NFS1: variants seen among roughly 807,000 people sequenced by gnomAD.
The protein encoded by NFS1 is NFS1 cysteine desulfurase, also known as cysteine desulfurase.
In NFS1, 26 loss-of-function variants were observed where a neutral mutation model predicts 57.3. That is an observed-to-expected ratio of 0.45 (90% CI 0.33 to 0.63). The LOEUF is 0.63. NFS1 is among the 20% of genes least tolerant of loss of function. The probability of loss-of-function intolerance (pLI) is 0.02; values close to 1 mark genes in which losing one functional copy is unlikely to be tolerated. For synonymous variants in NFS1, 209 were observed against 216.3 expected (o/e 0.97, Z 0.30); for missense variants, 505 against 605.8 (o/e 0.83, Z 1.75).
At chr20:35,682,014 G>C in intron 5 of NFS1, 33 bp from the exon 6 acceptor site, 2 of 1,310,140 alleles carry the variant, frequency 1.5e-6, no homozygotes, top group Non-Finnish European at 2.2e-6. Flanking sequence ...TGACTAGATA[G>C]TACAAACAAA....
chr20:35,693,655 C>T (rs1014926917), intron 4 of NFS1, among the ~76,000 whole-genome samples: 4 of 151,900 alleles, frequency 2.6e-5, no homozygotes, highest in African/African-American at 9.7e-5. Flanking sequence ...TAATGAGAGC[C>T]GCATCTCTAC....
chr20:35,689,630 C>A (rs1211905412), intron 5 of NFS1, among the ~76,000 whole-genome samples: 1 of 151,910 alleles, frequency 6.6e-6, no homozygotes, highest in Non-Finnish European at 1.5e-5. Context: ...ACTAGCAAGG[C>A]GTGGTGGTGC....
intron 4 of NFS1, among the ~76,000 whole-genome samples, chr20:35,695,113 G>C (rs913886900): frequency 6.6e-6 from 1 of 152,256 alleles, no homozygotes; most frequent in Non-Finnish European, 1.5e-5. Context: ...TCCTTGACCT[G>C]TTGGTTTGGA....
chr20:35,674,897 A>T, intron 8 of NFS1, 148 bp downstream of exon 8: 1 of 1,070,032 alleles, frequency 9.3e-7, no homozygotes, highest in Admixed American at 2.0e-5. Flanking sequence ...TCTCCCTCAG[A>T]ACAAGGTGCC....
At chr20:35,675,547 T>C (rs756316187) in intron 7 of NFS1, 18 of 259,164 alleles carry the variant, frequency 6.9e-5, no homozygotes, top group East Asian at 1.1e-4. Context: ...AAATAGATTA[T>C]GGCATGTCCA....
At chr20:35,676,758 G>GAAAAAAA (rs746820595) in intron 7 of NFS1, among the ~76,000 whole-genome samples, 253 of 18,038 alleles carry the variant, frequency 0.014, 5 homozygotes, top group South Asian at 0.045. Flanking sequence ...GAGAAAATCA[G>GAAAAAAA]AAAAAAAAAA....
chr20:35,692,293 G>C lies in NFS1; in HGVS notation c.409-1728C>G, dbSNP rs767678012. The C allele has an allele frequency of 2.1e-5, 5 of 241,596 alleles. No homozygotes were observed. In the Admixed American group the frequency reaches 2.3e-4, roughly 11 times the overall value. The allele number at this position is 241,596 out of a possible 1,614,324, so 15.0% of individuals were successfully genotyped here. A position where few individuals can be genotyped will look rare whatever the true frequency, so the allele number is the denominator to read the frequency against. On this transcript the variant is annotated intron_variant, in intron 4 of 12. Coordinates refer to ENST00000374092, the MANE Select transcript of NFS1 (RefSeq NM_021100.5). ...GGAGGATGAGGCAGGAGAATCGCTT[G>C]AACCTGGGAGGCAGAGGTTGCAGTG...
chr20:35,674,280 G>A lies in NFS1; in HGVS notation c.1136+70C>T, dbSNP rs1485229327. ...CTTGTGCCTATCATCTCCACACTGG[G>A]AAGTTTAATAGCCTGTATGACTCTT... is the stretch of plus-strand genomic sequence containing the variant. On this transcript the variant is annotated intron_variant, in intron 10 of 12. Transcript: ENST00000374092. The A allele has an allele frequency of 9.1e-6, 11 of 1,207,196 alleles. No individual in the cohort carries two copies. The South Asian group carries it at 1.3e-4, about 15-fold the overall frequency. The allele number at this position is 1,207,196 out of a possible 1,614,324, so 74.8% of individuals were successfully genotyped here. A position where few individuals can be genotyped will look rare whatever the true frequency, so the allele number is the denominator to read the frequency against.
At position 35,699,030 on chromosome 20, in the gene NFS1, C is replaced by T; in HGVS notation, c.97+162G>A. ...CGAGGGGTGGTGCGCCGGGGTCAAC[C>T]GTTCGGGGACCCGCCTAAGAAAGTT... is the stretch of plus-strand genomic sequence containing the variant. On this transcript the variant is annotated intron_variant, in intron 1 of 12. Transcript: ENST00000374092. This position sits in a 1 kb window ranked among gnomAD's most constrained non-coding sequence, Gnocchi z 4.4. The T allele has an allele frequency of 1.5e-6, 2 of 1,321,148 alleles. No homozygotes were observed. The highest frequency in any genetic ancestry group is 1.9e-6 in the Non-Finnish European group (2 of 1,038,556). 81.8% of individuals were successfully genotyped at this position (1,321,148 alleles called of 1,614,324 possible).
chr20:35,690,723 T>C (rs1462565005), intron 4 of NFS1, among the ~76,000 whole-genome samples, 158 bp from the exon 5 acceptor site: 1 of 152,090 alleles, frequency 6.6e-6, no homozygotes, highest in Non-Finnish European at 1.5e-5. Flanking sequence ...TGAGGCTAAC[T>C]CTCCAGACTT....
At chr20:35,669,858 TGTAA>T (rs1041119435) in intron 12 of NFS1, among the ~76,000 whole-genome samples, 173 bp from the exon 13 acceptor site, 5 of 152,326 alleles carry the variant, frequency 3.3e-5, no homozygotes, top group African/African-American at 1.2e-4. Flanking sequence ...TCCAGCTCCC[TGTAA>T]GTCCTTGTCA....
At chr20:35,676,783 A>C (rs2034757135) in intron 7 of NFS1, among the ~76,000 whole-genome samples, 1 of 121,694 alleles carries the variant, frequency 8.2e-6, no homozygotes, top group African/African-American at 3.1e-5. Context: ...AAAAAAAAAA[A>C]AACCAAGAAA....
At chr20:35,685,027 T>C (rs1299080766) in intron 5 of NFS1, among the ~76,000 whole-genome samples, 3 of 151,570 alleles carry the variant, frequency 2.0e-5, no homozygotes, top group Non-Finnish European at 4.4e-5. Context: ...GCCGAGATTA[T>C]GGGCAGACAC....
chr20:35,698,697 A>G (rs943507324), intron 1 of NFS1, 107 bp from the exon 2 acceptor site: 11 of 1,442,232 alleles, frequency 7.6e-6, no homozygotes, highest in Non-Finnish European at 1.0e-5. Flanking sequence ...GATAAGTGTA[A>G]GGGATGCTAG....
chr20:35,683,342 C>G (rs1244688035), intron 5 of NFS1, among the ~76,000 whole-genome samples: 1 of 149,880 alleles, frequency 6.7e-6, no homozygotes. Context: ...ATTAGCCGGG[C>G]GCAGTGGCAG....
chr20:35,674,188 C>A, intron 10 of NFS1, 162 bp downstream of exon 10: 1 of 646,342 alleles, frequency 1.5e-6, no homozygotes, highest in Non-Finnish European at 2.8e-6. Flanking sequence ...CAGTCTGTAC[C>A]CAGCTACCCA....
At chr20:35,687,682 G>A (rs986900642) in intron 5 of NFS1, among the ~76,000 whole-genome samples, 18 of 152,066 alleles carry the variant, frequency 1.2e-4, no homozygotes, top group South Asian at 8.3e-4. Context: ...ACGCTCTCTC[G>A]TCTCTGCACA....
chr20:35,692,185 T>C, intron 4 of NFS1: 2 of 227,616 alleles, frequency 8.8e-6, no homozygotes, highest in Non-Finnish European at 1.7e-5. Context: ...AAACTCTGTC[T>C]CAAAAAATAA....
At position 35,669,393 on chromosome 20, in the gene NFS1, G is replaced by A; in HGVS notation, c.*229C>T. 2.1e-6 allele frequency: 1 copy of A among 476,742 alleles called. No homozygotes were observed. Among genetic ancestry groups the A allele is most frequent in the Non-Finnish European group, 3.8e-6 (1 of 262,566 alleles). 29.5% of individuals were successfully genotyped at this position (476,742 alleles called of 1,614,324 possible). A position where few individuals can be genotyped will look rare whatever the true frequency, so the allele number is the denominator to read the frequency against. On this transcript the variant is annotated 3_prime_UTR_variant, in exon 13 of 13. Transcript: ENST00000374092. ...GTCTCTATGGCTTCGGGATGAAAAT[G>A]TCCACACACTTTAAGACCCGAGAAG...
Sources: gnomAD v4.1 joint callset for allele counts (sites outside exome capture counted in the v4.1 genomes callset) on GRCh38, gnomAD v4.1.1 for gene constraint, Gnocchi (gnomAD v3.1) non-coding constraint, MANE v1.5 for transcripts, NCBI Gene and HGNC (gene_info 2026-07-23, HGNC 2026-07-21) for gene names.